The following KLF12 variants were observed in gnomAD, a reference collection of about 807,000 sequenced individuals.
KLF12 encodes the protein Krueppel-like factor 12.
Under a neutral mutation model 37.8 loss-of-function variants are expected in KLF12, and 9 were observed. The ratio of observed to expected loss-of-function variants is 0.24; its 90% confidence interval spans 0.14 to 0.42. The LOEUF (loss-of-function observed/expected upper bound fraction) is 0.42, where lower values mean the gene tolerates loss of function less well. Among genes scored for constraint, KLF12 ranks in the 10% least tolerant of loss-of-function variants. KLF12 has a pLI of 1.00. For synonymous variants in KLF12, 208 were observed against 202.1 expected, an observed-to-expected ratio of 1.03 and a Z score of -0.25; for missense variants, 411 against 516.0, an observed-to-expected ratio of 0.80 and a Z score of 1.97.
chr13:73,998,428 T>C (rs1319027579), intron 1 of KLF12, among the ~76,000 whole-genome samples: 1 of 152,234 alleles, frequency 6.6e-6, no homozygotes, highest in Non-Finnish European at 1.5e-5. Context: ...TTCCACTCTC[T>C]GCTCAAAGGT....
At chr13:74,256,608 A>G in the KLF12 span, among the ~76,000 whole-genome samples, 1 of 152,006 alleles carries the variant, frequency 6.6e-6, no homozygotes, top group Non-Finnish European at 1.5e-5. Flanking sequence ...ACTTCAACAC[A>G]TTGGTGGTGG....
rs767595005 is a variant in KLF12, at chr13:74,037,483, G to A, written c.-31-42430C>T. On this transcript the variant is annotated intron_variant, in intron 1 of 7. Coordinates refer to ENST00000377669, the MANE Select transcript of KLF12 (RefSeq NM_007249.5). ...GACATCCACAGCCGCCAATTAAACC[G>A]TGTTGAACACTCCAATTCATTGCGT... is the stretch of plus-strand genomic sequence containing the variant. Among the ~76,000 whole-genome samples, 11 of 152,092 alleles carry A rather than the reference G, an allele frequency of 7.2e-5. No homozygotes were observed. The East Asian group carries it at 7.7e-4, about 11-fold the overall frequency.
intron 1 of KLF12, among the ~76,000 whole-genome samples, chr13:73,999,649 A>G (rs572222430): frequency 6.6e-6 from 1 of 151,976 alleles, no homozygotes; most frequent in Non-Finnish European, 1.5e-5. Context: ...CTGAGGCAGG[A>G]GAATGGTGTG....
At chr13:73,842,020 C>T (rs11838629) in intron 4 of KLF12, among the ~76,000 whole-genome samples, 3,436 of 152,206 alleles carry the variant, frequency 0.023, 121 homozygotes, top group African/African-American at 0.077. Flanking sequence ...TGACAACCTG[C>T]CATTGCTTTA....
intron 1 of KLF12, among the ~76,000 whole-genome samples, chr13:74,018,928 G>T (rs1439726901): frequency 2.0e-5 from 3 of 152,226 alleles, no homozygotes; most frequent in East Asian, 3.9e-4. Context: ...ACACTGAAAA[G>T]AACCCATGTT....
chr13:73,794,567 A>G (rs1274473688), intron 5 of KLF12, among the ~76,000 whole-genome samples: 1 of 152,226 alleles, frequency 6.6e-6, no homozygotes, highest in Non-Finnish European at 1.5e-5. Context: ...TCCTGACTTT[A>G]TATATATTAC....
intron 3 of KLF12, among the ~76,000 whole-genome samples, chr13:73,913,367 C>T (rs187063495): frequency 6.6e-6 from 1 of 152,324 alleles, no homozygotes; most frequent in Non-Finnish European, 1.5e-5. Flanking sequence ...TTGGGAGCCA[C>T]AGTCCAGCTA....
At chr13:73,710,294 TA>T (rs779753586) in intron 7 of KLF12, among the ~76,000 whole-genome samples, 3 of 151,934 alleles carry the variant, frequency 2.0e-5, no homozygotes, top group Non-Finnish European at 4.4e-5. Context: ...AGTAAACTGC[TA>T]AAAAAAACTT....
intron 1 of KLF12, among the ~76,000 whole-genome samples, chr13:74,019,595 A>G (rs370566047): frequency 2.0e-5 from 3 of 152,248 alleles, no homozygotes; most frequent in East Asian, 3.8e-4. Flanking sequence ...AGTAGGTAGC[A>G]GATCAATATA....
At chr13:73,975,459 T>A (rs77637599) in intron 2 of KLF12, among the ~76,000 whole-genome samples, 1 of 152,124 alleles carries the variant, frequency 6.6e-6, no homozygotes, top group South Asian at 2.1e-4. Flanking sequence ...AATCTACTCA[T>A]TTTTTTCCAT....
the KLF12 span, among the ~76,000 whole-genome samples, chr13:74,304,265 T>C: frequency 1.3e-5 from 2 of 152,292 alleles, no homozygotes; most frequent in East Asian, 3.9e-4. Flanking sequence ...CATACTGTTT[T>C]TCTTTTTGTG....
intron 5 of KLF12, among the ~76,000 whole-genome samples, chr13:73,777,562 G>A (rs1594079369): frequency 6.6e-6 from 1 of 151,978 alleles, no homozygotes; most frequent in East Asian, 1.9e-4. Context: ...TACAAAATTA[G>A]CCGGGCGCGG....
intron 2 of KLF12, among the ~76,000 whole-genome samples, chr13:73,992,037 G>C (rs944490848): frequency 2.0e-5 from 3 of 152,110 alleles, no homozygotes; most frequent in African/African-American, 4.8e-5. Flanking sequence ...TGGTTAGGCA[G>C]CTGTTCATCA....
chr13:73,947,884 G>C lies in KLF12; in HGVS notation c.34-3814C>G, dbSNP rs532471968. Among the ~76,000 whole-genome samples, 3 of 152,186 alleles carry C rather than the reference G, an allele frequency of 2.0e-5. No individual in the cohort carries two copies. In the East Asian group the frequency reaches 5.8e-4, roughly 30 times the overall value. On this transcript the variant is annotated intron_variant, in intron 2 of 7. Coordinates refer to ENST00000377669, the MANE Select transcript of KLF12 (RefSeq NM_007249.5). ...GTGCCCTCCTAACCTCCCAAGGCAG[G>C]TCATTTCCTTTCTCTCCTCCTGACC... is the stretch of plus-strand genomic sequence containing the variant.
At chr13:74,076,765 T>C (rs1189694281) in intron 1 of KLF12, among the ~76,000 whole-genome samples, 2 of 152,156 alleles carry the variant, frequency 1.3e-5, no homozygotes, top group Non-Finnish European at 2.9e-5. Context: ...CAGCACCCAA[T>C]AGTTACTCTT....
the KLF12 span, among the ~76,000 whole-genome samples, chr13:74,157,155 T>C: frequency 3.3e-5 from 5 of 152,204 alleles, no homozygotes; most frequent in Non-Finnish European, 5.9e-5. Flanking sequence ...TAATTTTCTA[T>C]TATATAGAGG....
At chr13:73,963,390 C>G (rs1891080917) in intron 2 of KLF12, among the ~76,000 whole-genome samples, 1 of 151,406 alleles carries the variant, frequency 6.6e-6, no homozygotes, top group South Asian at 2.1e-4. Context: ...ATTTGTATGT[C>G]CCTGAAAAAC....
chr13:74,042,123 G>A (rs1215137293), intron 1 of KLF12, among the ~76,000 whole-genome samples: 1 of 151,866 alleles, frequency 6.6e-6, no homozygotes, highest in African/African-American at 2.4e-5. Flanking sequence ...GCCCAACATG[G>A]TAAAACCCCA....
the KLF12 span, among the ~76,000 whole-genome samples, chr13:74,285,914 C>T: frequency 3.9e-5 from 6 of 152,162 alleles, no homozygotes; most frequent in African/African-American, 1.2e-4. Context: ...CAGGCTCATA[C>T]CTCTGTTTCC....
Sources: allele counts gnomAD v4.1 joint callset (sites outside exome capture counted in the v4.1 genomes callset), GRCh38; gene constraint gnomAD v4.1.1; transcripts MANE v1.5; gene names NCBI Gene and HGNC (gene_info 2026-07-23, HGNC 2026-07-21).